MYH15: variants seen among roughly 807,000 people sequenced by gnomAD.
The protein encoded by MYH15 is myosin-15.
A neutral mutation model predicts 240.5 loss-of-function variants in MYH15; 227 were observed. The observed-to-expected ratio is 0.94, with a 90% CI of 0.85 to 1.05. The LOEUF is 1.05. MYH15 is among the 50% of genes least tolerant of loss of function. The probability of loss-of-function intolerance (pLI) is 0.00; values close to 1 mark genes in which losing one functional copy is unlikely to be tolerated. For missense variants in MYH15, 2,217 were observed against 2,247.5 expected, an observed-to-expected ratio of 0.99 and a Z score of 0.27; for synonymous variants, 785 against 796.7, an observed-to-expected ratio of 0.99 and a Z score of 0.25.
At chr3:108,530,140 T>C (rs952173140), upstream of MYH15, among the ~76,000 whole-genome samples, 3 of 152,216 alleles carry the variant, frequency 2.0e-5, no homozygotes, top group Non-Finnish European at 4.4e-5. Flanking sequence ...ATGTCAATAG[T>C]GGAGATTAGC....
intron 22 of MYH15, 135 bp downstream of exon 22, chr3:108,444,505 C>T: frequency 9.8e-7 from 1 of 1,023,730 alleles, no homozygotes; most frequent in Non-Finnish European, 1.4e-6. Flanking sequence ...TTTTCATTGT[C>T]TTTGGTTTTA....
In MYH15 at chr3:108,441,003, T is replaced by C. The variant is rs778130425; in HGVS notation, c.2898+15A>G. 4.3e-6 allele frequency: 7 copies of C among 1,612,826 alleles called. No homozygotes were observed. In the East Asian group the frequency reaches 1.6e-4, roughly 36 times the overall value. On this transcript the variant is annotated intron_variant, in intron 23 of 40. Coordinates refer to ENST00000693548, the MANE Select transcript of MYH15 (RefSeq NM_014981.3). ...GGCTGCTAGGCCTTCTTAACTAACA[T>C]TATGGAAAAAGTACCTTGTGCTCTG...
rs1309810047 is a variant in MYH15, at chr3:108,414,433, A to T, written c.3949-5T>A. The stretch of plus-strand genomic sequence containing the variant: ...ATGGGCCAGGGCACTCTGGGACTGT[A>T]GGGGACACACATTAACAAAAAGGTC... On this transcript the variant is annotated splice_region_variant and splice_polypyrimidine_tract_variant and intron_variant, in intron 29 of 40. Transcript: ENST00000693548. 1 of 1,611,174 alleles carries T rather than the reference A, an allele frequency of 6.2e-7. No individual in the cohort carries two copies. Among genetic ancestry groups the T allele is most frequent in the Non-Finnish European group, 8.5e-7 (1 of 1,178,496 alleles).
At chr3:108,402,314 T>C (rs988305829) in intron 33 of MYH15, among the ~76,000 whole-genome samples, 2 of 152,202 alleles carry the variant, frequency 1.3e-5, no homozygotes, top group Non-Finnish European at 2.9e-5. Context: ...AGATGGTGTA[T>C]ATAAATTAAG....
At chr3:108,410,285 CTT>C (rs1332783620) in intron 31 of MYH15, among the ~76,000 whole-genome samples, 3 of 152,036 alleles carry the variant, frequency 2.0e-5, no homozygotes, top group Admixed American at 6.5e-5. Context: ...AAACTACACA[CTT>C]GAGTATAGCA....
chr3:108,426,204 A>AG (rs1036145291), intron 27 of MYH15, among the ~76,000 whole-genome samples: 1 of 145,014 alleles, frequency 6.9e-6, no homozygotes, highest in Non-Finnish European at 1.5e-5. Context: ...AAGTATTTTC[A>AG]GAAAAAAAAA....
In MYH15 at chr3:108,394,243, A is replaced by G. The variant is rs558626218; in HGVS notation, c.5134-87T>C. The G allele has an allele frequency of 3.9e-6, 6 of 1,550,724 alleles. No individual in the cohort carries two copies. In the South Asian group the frequency reaches 6.9e-5, roughly 18 times the overall value. ...CTGTTCAGGACATGCAATGGGAGTCAGCTCTGGCCAGAAGCAAATTTTATT... is the reference window on the plus strand; with the variant it reads ...CTGTTCAGGACATGCAATGGGAGTCGGCTCTGGCCAGAAGCAAATTTTATT... On this transcript the variant is annotated intron_variant, in intron 35 of 40. Coordinates refer to ENST00000693548, the MANE Select transcript of MYH15 (RefSeq NM_014981.3).
intron 6 of MYH15, 100 bp from the exon 7 acceptor site, chr3:108,495,972 G>A: frequency 4.9e-6 from 4 of 809,138 alleles, no homozygotes; most frequent in Non-Finnish European, 7.5e-6. Flanking sequence ...TTCTTGCTTT[G>A]ATAACCAATG....
chr3:108,482,485 C>A (rs2083275161), intron 11 of MYH15, among the ~76,000 whole-genome samples: 1 of 152,000 alleles, frequency 6.6e-6, no homozygotes, highest in Non-Finnish European at 1.5e-5. Context: ...AGTAAGTATG[C>A]CTTGTTTTTG....
At chr3:108,477,555 G>T (rs1461966553) in intron 11 of MYH15, among the ~76,000 whole-genome samples, 1 of 152,138 alleles carries the variant, frequency 6.6e-6, no homozygotes, top group East Asian at 1.9e-4. Flanking sequence ...CATGGAAAAT[G>T]CCATCTTTAT....
chr3:108,430,491 G>A (rs1413970461), intron 26 of MYH15, among the ~76,000 whole-genome samples: 5 of 152,182 alleles, frequency 3.3e-5, no homozygotes, highest in African/African-American at 1.2e-4. Context: ...CAGGCACTGT[G>A]CTTACTACTT....
chr3:108,501,613 G>A lies in MYH15; in HGVS notation c.339+99C>T, dbSNP rs543055608. The A allele has an allele frequency of 1.4e-4, 199 of 1,470,712 alleles. 1 individual carries two copies. In the South Asian group the frequency reaches 2.0e-3, roughly 15 times the overall value. The allele number at this position is 1,470,712 out of a possible 1,614,324, so 91.1% of individuals were successfully genotyped here. ...CATTGCTCAAGGACTATCCCTGTGCGAGCATGCTTAAACTCAATGTAAGAG... is the reference window on the plus strand; with the variant it reads ...CATTGCTCAAGGACTATCCCTGTGCAAGCATGCTTAAACTCAATGTAAGAG... On this transcript the variant is annotated intron_variant, in intron 3 of 40. Transcript: ENST00000693548.
At chr3:108,498,715 C>T (rs2083413459) in intron 5 of MYH15, among the ~76,000 whole-genome samples, 1 of 152,214 alleles carries the variant, frequency 6.6e-6, no homozygotes, top group Non-Finnish European at 1.5e-5. Flanking sequence ...ATAGTTTATC[C>T]TGTCTGTGAA....
chr3:108,508,109 T>C (rs1333934971), intron 1 of MYH15, among the ~76,000 whole-genome samples: 1 of 152,110 alleles, frequency 6.6e-6, no homozygotes, highest in African/African-American at 2.4e-5. Flanking sequence ...AGAAATGAGA[T>C]CATCCACCTC....
intron 5 of MYH15, among the ~76,000 whole-genome samples, chr3:108,498,446 A>C (rs1467242162): frequency 6.6e-6 from 1 of 152,162 alleles, no homozygotes. Context: ...ACCTCTTCTA[A>C]CTAGACAAGT....
intron 32 of MYH15, 65 bp downstream of exon 32, chr3:108,408,215 A>G (rs2082560604): frequency 6.5e-7 from 1 of 1,533,092 alleles, no homozygotes; most frequent in Non-Finnish European, 8.8e-7. Context: ...TGCTGCTGTT[A>G]TTGCTGAATG....
rs993630805 is a variant in MYH15 at position 108,429,562 on chromosome 3, T to C, written c.3313-681A>G. Among the ~76,000 whole-genome samples, 54 of 152,146 alleles carry C rather than the reference T, an allele frequency of 3.5e-4. 1 individual carries two copies. The highest frequency in any genetic ancestry group is 2.6e-3 in the Admixed American group (39 of 15,280). On this transcript the variant is annotated intron_variant, in intron 26 of 40. Coordinates refer to ENST00000693548, the MANE Select transcript of MYH15 (RefSeq NM_014981.3). The stretch of plus-strand genomic sequence containing the variant: ...CTCTCAGAGCCCCAAGCCCTTTTAG[T>C]ATAGGCCAAACAGGTCTACAAATCC...
At chr3:108,513,762 CT>C (rs1354477997), upstream of MYH15, among the ~76,000 whole-genome samples, 2 of 152,188 alleles carry the variant, frequency 1.3e-5, no homozygotes, top group Non-Finnish European at 1.5e-5. Flanking sequence ...TTTTCCATAA[CT>C]GCAAAGTCCA....
chr3:108,471,106 AGG>A (rs2083172590), intron 12 of MYH15, among the ~76,000 whole-genome samples: 1 of 71,848 alleles, frequency 1.4e-5, no homozygotes, highest in African/African-American at 5.5e-5. Flanking sequence ...GGAGGGAGGG[AGG>A]GGGAAAATGA....
Sources: gnomAD v4.1 joint callset for allele counts (sites outside exome capture counted in the v4.1 genomes callset) on GRCh38, gnomAD v4.1.1 for gene constraint, MANE v1.5 for transcripts, NCBI Gene and HGNC (gene_info 2026-07-23, HGNC 2026-07-21) for gene names.